The following HMX1 variants were observed in gnomAD, a reference collection of about 807,000 sequenced individuals.
The protein encoded by HMX1 is H6 family homeobox 1.
Under a neutral mutation model 8.9 loss-of-function variants are expected in HMX1, and 8 were observed. The ratio of observed to expected loss-of-function variants is 0.90; its 90% CI spans 0.53 to 1.63. The LOEUF is 1.63. HMX1 is among the 40% of genes most tolerant of loss of function. HMX1 has a pLI of 0.00. For missense variants in HMX1, 621 were observed against 558.5 expected, an observed-to-expected ratio of 1.11 and a Z score of -1.13; for synonymous variants, 311 against 283.4, an observed-to-expected ratio of 1.10 and a Z score of -0.98.
intron 1 of HMX1, among the ~76,000 whole-genome samples, chr4:8,856,275 A>G (rs1463005054): frequency 6.6e-6 from 1 of 152,144 alleles, no homozygotes; most frequent in African/African-American, 2.4e-5. Context: ...AATTCAAGCA[A>G]TCGTGGCAGA....
At chr4:8,859,557 G>A (rs1721727418) in intron 1 of HMX1, among the ~76,000 whole-genome samples, 1 of 152,152 alleles carries the variant, frequency 6.6e-6, no homozygotes, top group African/African-American at 2.4e-5. Flanking sequence ...TTGAGGAAGT[G>A]GGGAGGGTGC....
chr4:8,871,793 C>G lies in HMX1; in HGVS notation c.-179G>C. 9 of 789,778 alleles carry G rather than the reference C, an allele frequency of 1.1e-5. No individual in the cohort carries two copies. Among genetic ancestry groups the G allele is most frequent in the Non-Finnish European group, 1.4e-5 (9 of 651,388 alleles). 48.9% of individuals were successfully genotyped at this position (789,778 alleles called of 1,614,324 possible). A position where few individuals can be genotyped will look rare whatever the true frequency, so the allele number is the denominator to read the frequency against. ...GGGCTGGGCTGGGCCGGGCCGGGAG[C>G]GAGTGCGCGCCGACAGCTGATCGGG... On this transcript the variant is annotated 5_prime_UTR_variant, in exon 1 of 2. Transcript: ENST00000400677. The surrounding 1 kb of genome is among the most constrained non-coding windows in gnomAD (Gnocchi z 4.8).
rs1328496284 is a variant in HMX1 at position 8,867,107 on chromosome 4, C to G, written c.*586G>C. On this transcript the variant is annotated 3_prime_UTR_variant, in exon 2 of 2. Coordinates refer to ENST00000400677, the MANE Select transcript of HMX1 (RefSeq NM_018942.3). ...TAAGTAGATTCATTTAAAAAAACAA[C>G]AACCCGGAGGCTGCGACGTCTGCAG... 1.0e-6 allele frequency: 1 copy of G among 985,384 alleles called. No homozygotes were observed. Among genetic ancestry groups the G allele is most frequent in the Non-Finnish European group, 1.2e-6 (1 of 829,976 alleles). The allele number at this position is 985,384 out of a possible 1,614,324, so 61.0% of individuals were successfully genotyped here. A position where few individuals can be genotyped will look rare whatever the true frequency, so the allele number is the denominator to read the frequency against.
At chr4:8,854,669 T>C (rs369748736) in intron 1 of HMX1, among the ~76,000 whole-genome samples, 6 of 152,334 alleles carry the variant, frequency 3.9e-5, no homozygotes, top group African/African-American at 1.4e-4. Flanking sequence ...CCAGAGAATT[T>C]CTTAAAATTG....
Position 8,868,120 on chromosome 4 carries a change from C to A in HMX1, c.620G>T (p.Arg207Leu). 1 of 1,516,958 alleles carries A rather than the reference C, an allele frequency of 6.6e-7. No homozygotes were observed. The highest frequency in any genetic ancestry group is 8.8e-7 in the Non-Finnish European group (1 of 1,136,438). The allele number at this position is 1,516,958 out of a possible 1,614,324, so 94.0% of individuals were successfully genotyped here. The change falls in exon 2 of 2, where the codon CGC becomes CTC. Residue 207 changes from arginine to leucine, a missense_variant. Physicochemically the swap from Arg to Leu is moderately radical, Grantham distance 102. Transcript: ENST00000400677. This position sits in a 1 kb window ranked among gnomAD's most constrained non-coding sequence, Gnocchi z 4.6. The part of the protein sequence containing the change: ...GVGGGRKKKT[R>L]TVFSRSQVFQ... ...GACCTGGCTGCGGGAGAAGACTGTG[C>A]GCGTCTTCTTCTTTCGGCCGCCGCC... is the stretch of plus-strand genomic sequence containing the variant.
chr4:8,858,841 G>C (rs1158994664), intron 1 of HMX1: 1 of 152,388 alleles, frequency 6.6e-6, no homozygotes, highest in Non-Finnish European at 1.5e-5. Flanking sequence ...GGGGGACACT[G>C]GGGTGGGCGA....
chr4:8,865,751 AG>A (rs929643365), downstream of HMX1, among the ~76,000 whole-genome samples: 2 of 152,004 alleles, frequency 1.3e-5, no homozygotes, highest in African/African-American at 4.8e-5. Flanking sequence ...GGCCGCCAAC[AG>A]GGAGCTTTCA....
chr4:8,857,102 C>T (rs566052501), intron 1 of HMX1, among the ~76,000 whole-genome samples: 5 of 152,318 alleles, frequency 3.3e-5, no homozygotes, highest in Non-Finnish European at 5.9e-5. Context: ...GAAACTCTGG[C>T]TATCTCCAGG....
In HMX1 at chr4:8,870,454, G is replaced by A. The variant is rs551152037; in HGVS notation, c.394+767C>T. ...CCTCAGCAGGGAACAAAGGCAAGGAGGGGGAGGGGCAGAAAAAGAAGAGAG... is the reference window on the plus strand; with the variant it reads ...CCTCAGCAGGGAACAAAGGCAAGGAAGGGGAGGGGCAGAAAAAGAAGAGAG... On this transcript the variant is annotated intron_variant, in intron 1 of 1. Coordinates refer to ENST00000400677, the MANE Select transcript of HMX1 (RefSeq NM_018942.3). This position sits in a 1 kb window ranked among gnomAD's most constrained non-coding sequence, Gnocchi z 4.4. Among the ~76,000 whole-genome samples, 4 of 152,126 alleles carry A rather than the reference G, an allele frequency of 2.6e-5. No homozygotes were observed. The highest frequency in any genetic ancestry group is 5.9e-5 in the Non-Finnish European group (4 of 68,008).
Position 8,871,321 on chromosome 4 carries a change from C to A in HMX1, c.294G>T (p.Pro98=). 2.2e-6 allele frequency: 3 copies of A among 1,346,034 alleles called. No individual in the cohort carries two copies. Among genetic ancestry groups the A allele is most frequent in the Non-Finnish European group, 2.8e-6 (3 of 1,056,146 alleles). 83.4% of individuals were successfully genotyped at this position (1,346,034 alleles called of 1,614,324 possible). A position where few individuals can be genotyped will look rare whatever the true frequency, so the allele number is the denominator to read the frequency against. Residue 98 remains proline, a synonymous_variant, in exon 1 of 2, where the codon CCG becomes CCT. Coordinates refer to ENST00000400677, the MANE Select transcript of HMX1 (RefSeq NM_018942.3). This position sits in a 1 kb window ranked among gnomAD's most constrained non-coding sequence, Gnocchi z 4.8. ...GPGALGLGPR[P]PPGPGPPFAL... ...CGAAGGGCGGCCCGGGACCGGGGGG[C>A]GGCCGAGGACCGAGGCCCAGCGCGC...
chr4:8,871,575 C>T lies in HMX1; in HGVS notation c.40G>A (p.Ala14Thr), dbSNP rs1354897533. 5.2e-6 allele frequency: 7 copies of T among 1,350,598 alleles called. No individual in the cohort carries two copies. The highest frequency in any genetic ancestry group is 3.3e-5 in the East Asian group (1 of 30,550). 83.7% of individuals were successfully genotyped at this position (1,350,598 alleles called of 1,614,324 possible). A position where few individuals can be genotyped will look rare whatever the true frequency, so the allele number is the denominator to read the frequency against. ...ELTEPGRATP[A>T]RASSFLIENL... ...TCGATGAGGAAGGAGGAGGCGCGGGCCGGCGTGGCGCGCCCGGGCTCCGTC... is the reference window on the plus strand; with the variant it reads ...TCGATGAGGAAGGAGGAGGCGCGGGTCGGCGTGGCGCGCCCGGGCTCCGTC... Residue 14 changes from alanine (A) to threonine (T), a missense_variant, in exon 1 of 2, where the codon GCC becomes ACC. Ala to Thr is a moderately conservative substitution (Grantham distance 58). Coordinates refer to ENST00000400677, the MANE Select transcript of HMX1 (RefSeq NM_018942.3). The surrounding 1 kb of genome is among the most constrained non-coding windows in gnomAD (Gnocchi z 4.8).
Position 8,871,531 on chromosome 4 carries a change from C to A in HMX1, c.84G>T (p.Glu28Asp). Residue 28 changes from glutamate (E) to aspartate (D), a missense_variant, in exon 1 of 2, where the codon GAG becomes GAT. Transcript: ENST00000400677. The surrounding 1 kb of genome is among the most constrained non-coding windows in gnomAD (Gnocchi z 4.8). Reference sequence around the variant, plus strand: ...GGGTCGCGCGCCCTGCGCCCTTGGCCTCGGCCGCCAGCAGGTTCTCGATGA... The same window carrying A: ...GGGTCGCGCGCCCTGCGCCCTTGGCATCGGCCGCCAGCAGGTTCTCGATGA... ...SFLIENLLAAEAKGAGRATQG... is the reference protein window; with the variant it reads ...SFLIENLLAADAKGAGRATQG... 1 of 1,356,912 alleles carries A rather than the reference C, an allele frequency of 7.4e-7. No homozygotes were observed. Among genetic ancestry groups the A allele is most frequent in the Non-Finnish European group, 9.5e-7 (1 of 1,053,334 alleles). The allele number at this position is 1,356,912 out of a possible 1,614,324, so 84.1% of individuals were successfully genotyped here.
At chr4:8,866,946 T>G (rs1180119750), downstream of HMX1, 3 of 448,570 alleles carry the variant, frequency 6.7e-6, no homozygotes, top group Admixed American at 1.9e-4. Context: ...AGCCCTGGGC[T>G]CCAGGTGTCC....
At chr4:8,850,282 C>A (rs764324818) in intron 1 of HMX1, among the ~76,000 whole-genome samples, 36 of 152,256 alleles carry the variant, frequency 2.4e-4, no homozygotes, top group Non-Finnish European at 3.7e-4. Flanking sequence ...CTGTGGGGAG[C>A]CTCTGCACAG....
chr4:8,850,090 A>G (rs1235950777), intron 1 of HMX1, among the ~76,000 whole-genome samples: 1 of 152,152 alleles, frequency 6.6e-6, no homozygotes, highest in Admixed American at 6.5e-5. Flanking sequence ...GCACACGGTG[A>G]GTCTGTTGAC....
chr4:8,855,095 G>A (rs1273402997), intron 1 of HMX1, among the ~76,000 whole-genome samples: 1 of 152,178 alleles, frequency 6.6e-6, no homozygotes, highest in African/African-American at 2.4e-5. Context: ...CTCCACCATG[G>A]GCTTCCCCCA....
Position 8,867,626 on chromosome 4 carries a change from C to T in HMX1, c.*67G>A. The T allele has an allele frequency of 8.3e-7, 1 of 1,205,288 alleles. No individual in the cohort carries two copies. The highest frequency in any genetic ancestry group is 1.0e-6 in the Non-Finnish European group (1 of 970,336). 74.7% of individuals were successfully genotyped at this position (1,205,288 alleles called of 1,614,324 possible). On this transcript the variant is annotated 3_prime_UTR_variant, in exon 2 of 2. Coordinates refer to ENST00000400677, the MANE Select transcript of HMX1 (RefSeq NM_018942.3). ...TCCCTAACGCCCCCTGAGCCCTGCG[C>T]CTGCCGCTGAATCGCGCGTCCACAC...
chr4:8,856,773 T>A lies in HMX1; in HGVS notation c.395-10449A>T, dbSNP rs140068179. Among the ~76,000 whole-genome samples, 1,025 of 152,220 alleles carry A rather than the reference T, an allele frequency of 6.7e-3. 5 individuals are homozygous for A. Among genetic ancestry groups the A allele is most frequent in the South Asian group, 0.01 (50 of 4,824 alleles). Reference sequence around the variant, plus strand: ...ATGCATTGCTTGTTTAAAAACTACATACATCATGAGGGAAAATCTTTATCA... The same window carrying A: ...ATGCATTGCTTGTTTAAAAACTACAAACATCATGAGGGAAAATCTTTATCA... On this transcript the variant is annotated intron_variant, in intron 1 of 1. Coordinates refer to the HMX1 transcript ENST00000506970.
chr4:8,856,428 T>C (rs1721610720), intron 1 of HMX1, among the ~76,000 whole-genome samples: 1 of 151,976 alleles, frequency 6.6e-6, no homozygotes, highest in Admixed American at 6.6e-5. Context: ...ACATTTTAAG[T>C]TGTGTGCTGA....
Sources: gnomAD v4.1 joint callset for allele counts (sites outside exome capture counted in the v4.1 genomes callset) on GRCh38, gnomAD v4.1.1 for gene constraint, Gnocchi (gnomAD v3.1) non-coding constraint, MANE v1.5 for transcripts, NCBI Gene and HGNC (gene_info 2026-07-23, HGNC 2026-07-21) for gene names.